CTNNA3: variants seen among roughly 807,000 people sequenced by gnomAD.
The protein encoded by CTNNA3 is catenin alpha 3, also known as catenin alpha-3.
In CTNNA3, 76 loss-of-function variants were observed where a neutral mutation model predicts 95.7. That is an observed-to-expected ratio of 0.79 (90% CI 0.66 to 0.96). The LOEUF (loss-of-function observed/expected upper bound fraction) is 0.96, where lower values mean the gene tolerates loss of function less well. CTNNA3 is among the 40% of genes least tolerant of loss of function. The pLI, the probability that CTNNA3 is intolerant of heterozygous loss-of-function variation, is 0.00. For missense variants in CTNNA3, 1,191 were observed against 1,089.8 expected, an observed-to-expected ratio of 1.09 and a Z score of -1.31; for synonymous variants, 431 against 374.4, an observed-to-expected ratio of 1.15 and a Z score of -1.74.
At chr10:66,628,827 T>C (rs755779744) in intron 9 of CTNNA3, among the ~76,000 whole-genome samples, 5 of 152,072 alleles carry the variant, frequency 3.3e-5, no homozygotes, top group Non-Finnish European at 5.9e-5. Flanking sequence ...TGAGTTTGAG[T>C]TGCCACTGAG....
chr10:67,367,701 G>A (rs893965997), intron 5 of CTNNA3, among the ~76,000 whole-genome samples: 3 of 152,170 alleles, frequency 2.0e-5, no homozygotes, highest in Non-Finnish European at 4.4e-5. Context: ...TAAAGAAAAT[G>A]TCGAATACAG....
At chr10:66,054,659 C>T (rs2080037800) in intron 15 of CTNNA3, among the ~76,000 whole-genome samples, 3 of 152,044 alleles carry the variant, frequency 2.0e-5, no homozygotes, top group Admixed American at 6.6e-5. Flanking sequence ...TATTTTTTTC[C>T]ATCCCGTGGG....
At chr10:67,593,344 T>C (rs1408746086) in intron 3 of CTNNA3, among the ~76,000 whole-genome samples, 1 of 152,166 alleles carries the variant, frequency 6.6e-6, no homozygotes, top group Non-Finnish European at 1.5e-5. Context: ...TAAATTGCTT[T>C]AGGCAGTATG....
At chr10:67,455,093 G>A (rs1847122248) in intron 5 of CTNNA3, among the ~76,000 whole-genome samples, 1 of 152,046 alleles carries the variant, frequency 6.6e-6, no homozygotes, top group African/African-American at 2.4e-5. Context: ...AGGAATTTGT[G>A]AAACTGTCCT....
intron 10 of CTNNA3, among the ~76,000 whole-genome samples, chr10:66,570,403 T>A (rs549484545): frequency 1.7e-4 from 26 of 152,000 alleles, no homozygotes; most frequent in Non-Finnish European, 2.9e-4. Context: ...ATTCTCCTAC[T>A]TCAGCCTTCC....
chr10:67,360,467 C>T (rs915943112), intron 5 of CTNNA3, among the ~76,000 whole-genome samples: 2 of 150,328 alleles, frequency 1.3e-5, no homozygotes, highest in African/African-American at 4.9e-5. Flanking sequence ...TTCAAGAGAC[C>T]AATCACACAT....
At chr10:66,463,895 T>A (rs2093546407) in intron 11 of CTNNA3, among the ~76,000 whole-genome samples, 1 of 151,834 alleles carries the variant, frequency 6.6e-6, no homozygotes, top group South Asian at 2.1e-4. Flanking sequence ...AATTTTTTTT[T>A]TTTTTTTACA....
At chr10:66,096,677 C>T (rs985570089) in intron 14 of CTNNA3, among the ~76,000 whole-genome samples, 1 of 151,916 alleles carries the variant, frequency 6.6e-6, no homozygotes, top group Non-Finnish European at 1.5e-5. Flanking sequence ...GCATGCATTG[C>T]CATGCCCAGC....
At chr10:65,972,420 T>C (rs911251043) in intron 16 of CTNNA3, among the ~76,000 whole-genome samples, 2 of 152,114 alleles carry the variant, frequency 1.3e-5, no homozygotes, top group East Asian at 1.9e-4. Context: ...GTTGATATGA[T>C]TTTATACCCA....
intron 11 of CTNNA3, among the ~76,000 whole-genome samples, chr10:66,463,869 G>A (rs531351196): frequency 6.6e-6 from 1 of 150,870 alleles, no homozygotes; most frequent in African/African-American, 2.4e-5. Flanking sequence ...CTGAACAGAG[G>A]GAGCAGTCAC....
chr10:66,963,568 T>A (rs1849238372), intron 7 of CTNNA3, among the ~76,000 whole-genome samples: 1 of 152,158 alleles, frequency 6.6e-6, no homozygotes, highest in Non-Finnish European at 1.5e-5. Flanking sequence ...ACTGATCACC[T>A]GCAGTGGTAG....
At chr10:66,165,095 A>G (rs1479249349) in intron 13 of CTNNA3, among the ~76,000 whole-genome samples, 1 of 152,218 alleles carries the variant, frequency 6.6e-6, no homozygotes. Flanking sequence ...ATAAAAAAGA[A>G]TAACGTCGTG....
chr10:66,770,071 T>C (rs1209146449), intron 8 of CTNNA3, among the ~76,000 whole-genome samples: 1 of 152,196 alleles, frequency 6.6e-6, no homozygotes, highest in Non-Finnish European at 1.5e-5. Context: ...CTCTACTACC[T>C]TGGCTCTGTA....
intron 13 of CTNNA3, among the ~76,000 whole-genome samples, chr10:66,103,745 G>A (rs1019571943): frequency 6.6e-6 from 1 of 152,152 alleles, no homozygotes; most frequent in African/African-American, 2.4e-5. Flanking sequence ...GGCAATGACA[G>A]CTGATGGGTA....
chr10:65,982,047 A>G (rs2078330207), intron 16 of CTNNA3, among the ~76,000 whole-genome samples: 2 of 151,926 alleles, frequency 1.3e-5, no homozygotes, highest in South Asian at 4.1e-4. Flanking sequence ...AATAATCAGC[A>G]GAGTTAATAG....
chr10:66,392,670 A>T (rs2092943465), intron 11 of CTNNA3, among the ~76,000 whole-genome samples: 2 of 152,138 alleles, frequency 1.3e-5, no homozygotes, highest in Non-Finnish European at 2.9e-5. Context: ...AGGAATTTCA[A>T]TTCAAAACAA....
intron 9 of CTNNA3, among the ~76,000 whole-genome samples, chr10:66,714,626 A>G (rs763281409): frequency 1.3e-5 from 2 of 152,104 alleles, no homozygotes; most frequent in Non-Finnish European, 2.9e-5. Flanking sequence ...TTCTTAAAGT[A>G]TGGTTCCCGT....
At chr10:66,093,704 G>T (rs1183764858) in intron 14 of CTNNA3, among the ~76,000 whole-genome samples, 1 of 152,092 alleles carries the variant, frequency 6.6e-6, no homozygotes, top group African/African-American at 2.4e-5. Context: ...GAATATTTCA[G>T]TGTAGTGTCT....
intron 7 of CTNNA3, among the ~76,000 whole-genome samples, chr10:67,027,503 C>T (rs142279420): frequency 0.019 from 2,715 of 144,668 alleles, 84 homozygotes; most frequent in African/African-American, 0.065. Context: ...GGTGTGATCT[C>T]GGCTCACTGC....
Sources: gnomAD v4.1 joint callset for allele counts (sites outside exome capture counted in the v4.1 genomes callset) on GRCh38, gnomAD v4.1.1 for gene constraint, MANE v1.5 for transcripts, NCBI Gene and HGNC (gene_info 2026-07-23, HGNC 2026-07-21) for gene names.